The following DIP2C variants were observed in gnomAD, a reference collection of about 807,000 sequenced individuals.
The protein encoded by DIP2C is disco-interacting protein 2 homolog C.
In DIP2C, 33 loss-of-function variants were observed where a neutral mutation model predicts 192.4. The ratio of observed to expected loss-of-function variants is 0.17; its 90% CI spans 0.13 to 0.23. The LOEUF (loss-of-function observed/expected upper bound fraction) is 0.23, where lower values mean the gene tolerates loss of function less well. Among genes scored for constraint, DIP2C ranks in the 10% least tolerant of loss-of-function variants. The pLI is 1.00. For missense variants in DIP2C, 1,537 were observed against 2,110.1 expected (o/e 0.73, Z 5.32); for synonymous variants, 979 against 864.1 (o/e 1.13, Z -2.33).
chr10:300,545 C>T (rs894129388), intron 32 of DIP2C, among the ~76,000 whole-genome samples: 8 of 152,132 alleles, frequency 5.3e-5, no homozygotes, highest in African/African-American at 7.3e-5. Context: ...GTGGAGAAAC[C>T]AGAACCAGGA....
At chr10:293,917 A>T (rs1955615140) in intron 32 of DIP2C, among the ~76,000 whole-genome samples, 2 of 152,246 alleles carry the variant, frequency 1.3e-5, no homozygotes, top group South Asian at 4.1e-4. Flanking sequence ...GATCTGGATC[A>T]GGGAAGTCCA....
rs1214087264 is a variant in DIP2C at position 672,050 on chromosome 10, C to T, written c.85+17444G>A. Among the ~76,000 whole-genome samples, 169 of 138,646 alleles carry T rather than the reference C, an allele frequency of 1.2e-3. 1 individual carries two copies. Among genetic ancestry groups the T allele is most frequent in the African/African-American group, 4.7e-3 (157 of 33,464 alleles). 91.0% of individuals were successfully genotyped at this position (138,646 alleles called of 152,430 possible). Reference sequence around the variant, plus strand: ...ACGCACGGAAGGAGGAAACAGGCCACAGACACACAGACGGAGGAAACGCCA... The same window carrying T: ...ACGCACGGAAGGAGGAAACAGGCCATAGACACACAGACGGAGGAAACGCCA... On this transcript the variant is annotated intron_variant, in intron 1 of 36. Transcript: ENST00000280886.
At chr10:309,398 A>G (rs1025984555) in intron 32 of DIP2C, among the ~76,000 whole-genome samples, 1 of 152,128 alleles carries the variant, frequency 6.6e-6, no homozygotes, top group African/African-American at 2.4e-5. Flanking sequence ...TCATGTAAAG[A>G]AATGTGGGCA....
intron 31 of DIP2C, among the ~76,000 whole-genome samples, chr10:318,447 G>A (rs778677859): frequency 5.9e-5 from 9 of 152,196 alleles, no homozygotes; most frequent in East Asian, 1.9e-4. Flanking sequence ...GGGAAGTCTC[G>A]TGTCCAGGAA....
intron 1 of DIP2C, among the ~76,000 whole-genome samples, chr10:624,858 A>C (rs1323988163): frequency 3.3e-5 from 5 of 152,124 alleles, no homozygotes; most frequent in Middle Eastern, 3.4e-3. Flanking sequence ...GGAGGTGTGC[A>C]TGTGGCCGGG....
chr10:424,980 TACGACACGG>T lies in DIP2C; in HGVS notation c.395-1956_395-1948del, dbSNP rs1589765893. ...ATACAGCATGACCAGCAGTGACTAA[TACGACACGG>T]ATGATACAGCATGACCAGCGGTGAC... On this transcript the variant is annotated intron_variant, in intron 4 of 36. Transcript: ENST00000280886. Among the ~76,000 whole-genome samples, 8 of 142,536 alleles carry T rather than the reference TACGACACGG, an allele frequency of 5.6e-5. No homozygotes were observed. The East Asian group carries it at 6.5e-4, about 12-fold the overall frequency. 93.5% of individuals were successfully genotyped at this position (142,536 alleles called of 152,430 possible). A position where few individuals can be genotyped will look rare whatever the true frequency, so the allele number is the denominator to read the frequency against.
chr10:628,864 C>T (rs1279563934), intron 1 of DIP2C: 1 of 152,386 alleles, frequency 6.6e-6, no homozygotes, highest in African/African-American at 2.4e-5. Flanking sequence ...CCCTGACACT[C>T]CCCACCAGAT....
chr10:452,196 G>A (rs1433615786), intron 3 of DIP2C, among the ~76,000 whole-genome samples: 1 of 152,158 alleles, frequency 6.6e-6, no homozygotes, highest in Non-Finnish European at 1.5e-5. Flanking sequence ...GCAAAAAGAT[G>A]TCTACATTCT....
At chr10:337,543 C>T (rs1957897703) in intron 29 of DIP2C, among the ~76,000 whole-genome samples, 1 of 123,074 alleles carries the variant, frequency 8.1e-6, no homozygotes, top group Admixed American at 8.7e-5. Context: ...GTTGTAGAGG[C>T]CTAGGAAGCT....
At chr10:640,257 C>T (rs11253290) in intron 1 of DIP2C, among the ~76,000 whole-genome samples, 18,682 of 152,288 alleles carry the variant, frequency 0.12, 2,332 homozygotes, top group African/African-American at 0.32. Flanking sequence ...GGCCGCCCCG[C>T]CCACGGCCAC....
At chr10:559,117 T>A (rs988422091) in intron 1 of DIP2C, among the ~76,000 whole-genome samples, 3 of 152,190 alleles carry the variant, frequency 2.0e-5, no homozygotes, top group African/African-American at 7.2e-5. Context: ...ATTTCTCCTT[T>A]CCACTAGAAT....
chr10:637,558 G>C (rs1854908683), intron 1 of DIP2C, among the ~76,000 whole-genome samples: 1 of 152,168 alleles, frequency 6.6e-6, no homozygotes. Context: ...CCTTTTATGA[G>C]GGCACAAATC....
intron 1 of DIP2C, among the ~76,000 whole-genome samples, chr10:624,086 C>A (rs188633318): frequency 6.6e-6 from 1 of 152,232 alleles, no homozygotes; most frequent in Non-Finnish European, 1.5e-5. Context: ...CCCCTGAGTG[C>A]GAGGACTCGG....
At chr10:605,998 T>C (rs891183258) in intron 1 of DIP2C, among the ~76,000 whole-genome samples, 1 of 152,190 alleles carries the variant, frequency 6.6e-6, no homozygotes, top group Admixed American at 6.5e-5. Flanking sequence ...TTCCGGCTCC[T>C]GTAAGACTCT....
intron 2 of DIP2C, among the ~76,000 whole-genome samples, chr10:483,682 A>G (rs183806976): frequency 7.5e-4 from 115 of 152,324 alleles, no homozygotes; most frequent in African/African-American, 2.4e-3. Flanking sequence ...GTGCGAGGGA[A>G]TCAGCCCAGA....
At position 357,647 on chromosome 10, in the gene DIP2C, G is replaced by T. The variant is rs143203138; in HGVS notation, c.2904+181C>A. ...CAGTGGTGGTCCACCACCAGCGCGC[G>T]ACATCGGAGACTGTCGGGAAAGTCG... On this transcript the variant is annotated intron_variant, in intron 23 of 36. Transcript: ENST00000280886. Among the ~76,000 whole-genome samples, 3 of 152,306 alleles carry T rather than the reference G, an allele frequency of 2.0e-5. No homozygotes were observed. In the South Asian group the frequency reaches 6.2e-4, roughly 32 times the overall value.
At chr10:300,089 GAA>G (rs1284812109) in intron 32 of DIP2C, among the ~76,000 whole-genome samples, 1 of 152,190 alleles carries the variant, frequency 6.6e-6, no homozygotes, top group African/African-American at 2.4e-5. Context: ...AGCGGCTGTG[GAA>G]AACAGTATGG....
intron 1 of DIP2C, among the ~76,000 whole-genome samples, chr10:585,157 A>G (rs1850939987): frequency 6.6e-6 from 1 of 152,148 alleles, no homozygotes; most frequent in Admixed American, 6.5e-5. Flanking sequence ...TCAACACAAA[A>G]CAAGCTTGAC....
chr10:455,311 CCCTG>C (rs902892020), intron 3 of DIP2C, among the ~76,000 whole-genome samples: 1 of 144,924 alleles, frequency 6.9e-6, no homozygotes, highest in Non-Finnish European at 1.5e-5. Context: ...TGCAGTGAGT[CCCTG>C]CCTGAGGGGA....
Sources: allele counts gnomAD v4.1 joint callset (sites outside exome capture counted in the v4.1 genomes callset), GRCh38; gene constraint gnomAD v4.1.1; transcripts MANE v1.5; gene names NCBI Gene and HGNC (gene_info 2026-07-23, HGNC 2026-07-21).